Variants in SMARCA2 observed in about 807,000 individuals in gnomAD.
The protein encoded by SMARCA2 is SWI/SNF related BAF chromatin remodeling complex subunit ATPase 2, also known as SWI/SNF-related matrix-associated actin-dependent regulator of chromatin subfamily A member 2.
SMARCA2 carries 61 observed loss-of-function variants against 199.8 expected under a neutral mutation model. The ratio of observed to expected loss-of-function variants is 0.31; its 90% CI spans 0.25 to 0.38. The LOEUF (loss-of-function observed/expected upper bound fraction) is 0.38, where lower values mean the gene tolerates loss of function less well. Ranked by LOEUF, SMARCA2 falls within the 10% of genes least tolerant of loss-of-function variation. SMARCA2 has a pLI of 1.00. For missense variants in SMARCA2, 1,344 were observed against 2,012.2 expected, an observed-to-expected ratio of 0.67 and a Z score of 6.35; for synonymous variants, 935 against 732.0, an observed-to-expected ratio of 1.28 and a Z score of -4.48.
chr9:2,127,658 T>C (rs1823755787), intron 27 of SMARCA2, among the ~76,000 whole-genome samples: 1 of 152,196 alleles, frequency 6.6e-6, no homozygotes, highest in Non-Finnish European at 1.5e-5. Flanking sequence ...CTTGGTTATG[T>C]GGCCACTCCA....
intron 21 of SMARCA2, 133 bp from the exon 22 acceptor site, chr9:2,101,437 T>TA: frequency 2.0e-6 from 1 of 497,464 alleles, no homozygotes; most frequent in East Asian, 3.5e-5. Context: ...ATTACGTGTG[T>TA]AAGTTTTTTG....
rs1454623777 is a variant in SMARCA2, at chr9:2,056,859, G to C, written c.1347+14G>C. On this transcript the variant is annotated intron_variant, in intron 7 of 33. Transcript: ENST00000349721. The surrounding 1 kb of genome is among the most constrained non-coding windows in gnomAD (Gnocchi z 4.0). ...CAGAAACACCAGGTTCTTAGACCCT[G>C]GGCTTTGCTCACCCTCACTTTGGCA... The C allele has an allele frequency of 6.2e-7, 1 of 1,607,530 alleles. No individual in the cohort carries two copies.
intron 29 of SMARCA2, among the ~76,000 whole-genome samples, chr9:2,178,974 A>G (rs1826818574): frequency 1.3e-5 from 2 of 152,228 alleles, no homozygotes; most frequent in Non-Finnish European, 2.9e-5. Flanking sequence ...GTTCTGAGCA[A>G]TGAGGGGACT....
rs992164140 is a variant in SMARCA2, at chr9:2,192,570, C to T, written c.4738-134C>T. 1.1e-4 allele frequency: 82 copies of T among 736,608 alleles called. No individual in the cohort carries two copies. In the African/African-American group the frequency reaches 1.2e-3, roughly 11 times the overall value. The allele number at this position is 736,608 out of a possible 1,614,324, so 45.6% of individuals were successfully genotyped here. On this transcript the variant is annotated intron_variant, in intron 33 of 33. Coordinates refer to ENST00000349721, the MANE Select transcript of SMARCA2 (RefSeq NM_003070.5). ...TGCCTCTTTAATGTGTTTCTGTCCT[C>T]CCACGGAAAGAGATTTGGCGAGTTG...
intron 32 of SMARCA2, among the ~76,000 whole-genome samples, chr9:2,187,132 G>A (rs1272834682): frequency 6.6e-6 from 1 of 150,450 alleles, no homozygotes; most frequent in East Asian, 2.0e-4. Context: ...TTTTTTGCCA[G>A]GGGAAGAGGG....
intron 19 of SMARCA2, among the ~76,000 whole-genome samples, chr9:2,090,569 A>G (rs962187470): frequency 6.6e-6 from 1 of 152,172 alleles, no homozygotes; most frequent in African/African-American, 2.4e-5. Flanking sequence ...GATTAAATGG[A>G]TGTAGGGCTC....
intron 27 of SMARCA2, among the ~76,000 whole-genome samples, chr9:2,144,140 A>G (rs1266434987): frequency 6.6e-6 from 1 of 152,152 alleles, no homozygotes; most frequent in Non-Finnish European, 1.5e-5. Flanking sequence ...ACAGAAGTTA[A>G]CTTGGAAATG....
At chr9:2,168,118 TCTC>T (rs1826031274) in intron 28 of SMARCA2, among the ~76,000 whole-genome samples, 1 of 151,840 alleles carries the variant, frequency 6.6e-6, no homozygotes, top group South Asian at 2.1e-4. Context: ...TTCAAGCAAT[TCTC>T]CTGCCTCAGC....
intron 27 of SMARCA2, among the ~76,000 whole-genome samples, chr9:2,148,622 G>C (rs1175142855): frequency 6.6e-6 from 1 of 151,292 alleles, no homozygotes; most frequent in Non-Finnish European, 1.5e-5. Flanking sequence ...GGTATAAGGA[G>C]ATGTTTTCTT....
At chr9:2,069,929 C>T (rs113524072) in intron 9 of SMARCA2, among the ~76,000 whole-genome samples, 4,972 of 152,186 alleles carry the variant, frequency 0.033, 235 homozygotes, top group African/African-American at 0.1. Context: ...CAGCTCTTGC[C>T]CCACTCCCTC....
intron 1 of SMARCA2, among the ~76,000 whole-genome samples, chr9:2,022,514 T>C (rs778990172): frequency 6.6e-5 from 10 of 152,210 alleles, no homozygotes; most frequent in African/African-American, 9.6e-5. Context: ...TTGTTGTTGC[T>C]ACTGTGAAAG....
chr9:2,116,953 A>G (rs1036198774), intron 25 of SMARCA2, among the ~76,000 whole-genome samples: 2 of 152,166 alleles, frequency 1.3e-5, no homozygotes, highest in Non-Finnish European at 2.9e-5. Flanking sequence ...CTTAAATAGG[A>G]TATGTGTTTT....
intron 23 of SMARCA2, among the ~76,000 whole-genome samples, chr9:2,107,011 T>C (rs544520781): frequency 2.0e-4 from 31 of 152,342 alleles, no homozygotes; most frequent in African/African-American, 7.0e-4. Context: ...TTGAGCACGT[T>C]AAATCTTGAG....
chr9:2,180,274 A>G (rs1826930567), intron 29 of SMARCA2, among the ~76,000 whole-genome samples: 1 of 152,210 alleles, frequency 6.6e-6, no homozygotes, highest in Non-Finnish European at 1.5e-5. Flanking sequence ...AGTGTAGCAG[A>G]AAAACTAGCC....
chr9:2,084,023 AG>A, intron 16 of SMARCA2, 62 bp from the exon 17 acceptor site: 1 of 860,706 alleles, frequency 1.2e-6, no homozygotes, highest in East Asian at 2.5e-5. Context: ...AGCTATGAAA[AG>A]TGAGAAATAA....
chr9:2,043,032 A>G (rs1819679903), intron 4 of SMARCA2: 1 of 152,178 alleles, frequency 6.6e-6, no homozygotes, highest in Non-Finnish European at 1.5e-5. Flanking sequence ...AAAATAAGGC[A>G]TGATTTTCTT....
chr9:2,040,211 G>T, intron 4 of SMARCA2: 1 of 571,392 alleles, frequency 1.8e-6, no homozygotes. Context: ...ACACACACAA[G>T]GTTAAGAACC....
At chr9:2,109,923 T>C (rs1822924857) in intron 23 of SMARCA2, among the ~76,000 whole-genome samples, 1 of 152,168 alleles carries the variant, frequency 6.6e-6, no homozygotes, top group Non-Finnish European at 1.5e-5. Flanking sequence ...AGAGAGGAAG[T>C]GTGTGTGTTC....
intron 10 of SMARCA2, among the ~76,000 whole-genome samples, chr9:2,071,445 C>T (rs575978969): frequency 6.6e-6 from 1 of 152,278 alleles, no homozygotes; most frequent in African/African-American, 2.4e-5. Context: ...AAAAGCCCAG[C>T]CTTACCTAAG....
Sources: allele counts gnomAD v4.1 joint callset (sites outside exome capture counted in the v4.1 genomes callset), GRCh38; gene constraint gnomAD v4.1.1; non-coding constraint Gnocchi (gnomAD v3.1); transcripts MANE v1.5; gene names NCBI Gene and HGNC (gene_info 2026-07-23, HGNC 2026-07-21).